UBXN2A: variants seen among roughly 807,000 people sequenced by gnomAD.
UBXN2A encodes UBX domain-containing protein 2A.
Under a neutral mutation model 28.4 loss-of-function variants are expected in UBXN2A, and 28 were observed. The observed-to-expected ratio is 0.99, with a 90% CI of 0.73 to 1.35. The LOEUF (loss-of-function observed/expected upper bound fraction) is 1.35. UBXN2A is among the 40% of genes most tolerant of loss of function. The probability of loss-of-function intolerance (pLI) is 0.00; values close to 1 mark genes in which losing one functional copy is unlikely to be tolerated. For missense variants in UBXN2A, 253 were observed against 297.9 expected, an observed-to-expected ratio of 0.85 and a Z score of 1.11; for synonymous variants, 97 against 103.6, an observed-to-expected ratio of 0.94 and a Z score of 0.39.
At chr2:23,948,965 G>C (rs1246298777) in intron 1 of UBXN2A, among the ~76,000 whole-genome samples, 1 of 111,830 alleles carries the variant, frequency 8.9e-6, no homozygotes, top group Admixed American at 9.1e-5. Context: ...TTTTTTTTGA[G>C]ACAGAATCTC....
At chr2:23,936,280 G>A (rs532007579), upstream of UBXN2A, among the ~76,000 whole-genome samples, 49 of 152,190 alleles carry the variant, frequency 3.2e-4, no homozygotes, top group South Asian at 3.3e-3. Flanking sequence ...AAACGGGAAT[G>A]ATATACTGAC....
intron 1 of UBXN2A, among the ~76,000 whole-genome samples, chr2:23,946,567 C>T (rs778080237): frequency 2.8e-4 from 43 of 151,954 alleles, no homozygotes; most frequent in Non-Finnish European, 2.4e-4. Context: ...GTGATCCACC[C>T]GCCTCAGCCT....
At chr2:23,982,685 G>C (rs1208344085) in intron 4 of UBXN2A, among the ~76,000 whole-genome samples, 1 of 152,086 alleles carries the variant, frequency 6.6e-6, no homozygotes, top group South Asian at 2.1e-4. Flanking sequence ...TGCTGTTCAT[G>C]AGCTTATGGT....
At chr2:23,967,844 G>A (rs1707238764) in intron 2 of UBXN2A, among the ~76,000 whole-genome samples, 1 of 151,992 alleles carries the variant, frequency 6.6e-6, no homozygotes, top group Admixed American at 6.6e-5. Context: ...ATATACGAGA[G>A]GACTACCTAG....
intron 1 of UBXN2A, among the ~76,000 whole-genome samples, chr2:23,928,589 A>T (rs938788324): frequency 4.6e-5 from 7 of 152,172 alleles, no homozygotes; most frequent in Non-Finnish European, 1.0e-4. Context: ...AAAAAAAAAA[A>T]TAAAATTCAC....
intron 4 of UBXN2A, among the ~76,000 whole-genome samples, chr2:23,980,746 G>C (rs1008489981): frequency 6.6e-6 from 1 of 152,050 alleles, no homozygotes; most frequent in African/African-American, 2.4e-5. Context: ...TTCTGCCTCA[G>C]CCTCCCAAGT....
At chr2:23,933,281 C>T (rs369829847) in intron 1 of UBXN2A, among the ~76,000 whole-genome samples, 9 of 151,906 alleles carry the variant, frequency 5.9e-5, no homozygotes, top group Admixed American at 2.6e-4. Context: ...CCAAGGCAGG[C>T]GGATCACCTG....
At chr2:23,988,847 T>C (rs1370056037) in intron 6 of UBXN2A, among the ~76,000 whole-genome samples, 2 of 152,196 alleles carry the variant, frequency 1.3e-5, no homozygotes, top group African/African-American at 4.8e-5. Flanking sequence ...GATATGCACA[T>C]TGTCTCAGGT....
At chr2:23,984,974 T>C in intron 6 of UBXN2A, 143 bp downstream of exon 6, 1 of 807,740 alleles carries the variant, frequency 1.2e-6, no homozygotes. Flanking sequence ...CAGTCATAGC[T>C]CACTGCAGTC....
chr2:23,933,432 G>A (rs970018853), intron 1 of UBXN2A, among the ~76,000 whole-genome samples: 10 of 152,144 alleles, frequency 6.6e-5, no homozygotes, highest in Non-Finnish European at 8.8e-5. Flanking sequence ...CTTGAACCCG[G>A]GAGGCAGAGG....
upstream of UBXN2A, among the ~76,000 whole-genome samples, chr2:23,936,476 A>T (rs1326520039): frequency 6.6e-6 from 1 of 152,034 alleles, no homozygotes; most frequent in African/African-American, 2.4e-5. Context: ...TTGGGAGGCC[A>T]AGGTGGGAGG....
chr2:23,988,838 A>G (rs912773562), intron 6 of UBXN2A, among the ~76,000 whole-genome samples: 2 of 152,126 alleles, frequency 1.3e-5, no homozygotes, highest in Non-Finnish European at 2.9e-5. Flanking sequence ...ATTTATTTTG[A>G]TATGCACATT....
intron 1 of UBXN2A, among the ~76,000 whole-genome samples, chr2:23,932,597 C>T (rs1311490709): frequency 6.6e-6 from 1 of 152,066 alleles, no homozygotes; most frequent in Non-Finnish European, 1.5e-5. Flanking sequence ...CATAACAACA[C>T]ACTGATCAAC....
At position 24,002,144 on chromosome 2, in the gene UBXN2A, C is replaced by G. The variant is rs140370035; in HGVS notation, c.*2277C>G. The G allele has an allele frequency of 3.9e-4, 59 of 152,200 alleles. No individual in the cohort carries two copies. Among genetic ancestry groups the G allele is most frequent in the African/African-American group, 1.4e-3 (59 of 41,526 alleles). 9.4% of individuals were successfully genotyped at this position (152,200 alleles called of 1,614,324 possible). On this transcript the variant is annotated 3_prime_UTR_variant, in exon 7 of 7. Transcript: ENST00000309033. ...ACAAAAATTAGTGCAGTAGCTCACA[C>G]CTGTAATCCCAGCACTTTGGGACAC...
chr2:23,947,185 G>A (rs1052591765), intron 1 of UBXN2A, among the ~76,000 whole-genome samples: 4 of 152,130 alleles, frequency 2.6e-5, no homozygotes, highest in African/African-American at 4.8e-5. Context: ...CACTGTGCCT[G>A]GCCTAACGTA....
chr2:23,971,233 G>C (rs781077645), intron 2 of UBXN2A, 43 bp from the exon 3 acceptor site: 1 of 1,470,286 alleles, frequency 6.8e-7, no homozygotes, highest in South Asian at 1.6e-5. Context: ...AATTTTTAGA[G>C]ACCTAATAGT....
At chr2:23,942,064 A>T (rs1427762599) in intron 1 of UBXN2A, among the ~76,000 whole-genome samples, 1 of 152,186 alleles carries the variant, frequency 6.6e-6, no homozygotes, top group Non-Finnish European at 1.5e-5. Context: ...TGGGTGACAG[A>T]GCGGGACTCC....
At chr2:23,974,748 TG>T (rs1707584177) in intron 3 of UBXN2A, among the ~76,000 whole-genome samples, 1 of 151,936 alleles carries the variant, frequency 6.6e-6, no homozygotes, top group East Asian at 1.9e-4. Flanking sequence ...GAGGCCAAGG[TG>T]GGTGAATCAC....
intron 6 of UBXN2A, among the ~76,000 whole-genome samples, chr2:23,986,898 G>A (rs981653930): frequency 5.3e-5 from 8 of 151,838 alleles, no homozygotes; most frequent in Non-Finnish European, 7.4e-5. Flanking sequence ...ATGAGCCACC[G>A]TGCCCAGCCT....
Sources: gnomAD v4.1 joint callset for allele counts (sites outside exome capture counted in the v4.1 genomes callset) on GRCh38, gnomAD v4.1.1 for gene constraint, MANE v1.5 for transcripts, NCBI Gene and HGNC (gene_info 2026-07-23, HGNC 2026-07-21) for gene names.